CRPPA: variants seen among roughly 807,000 people sequenced by gnomAD.
CRPPA encodes the protein D-ribitol-5-phosphate cytidylyltransferase.
In CRPPA, 43 loss-of-function variants were observed where a neutral mutation model predicts 52.0. The observed-to-expected ratio is 0.83, with a 90% confidence interval of 0.65 to 1.07. The LOEUF is 1.07. Ranked by LOEUF, CRPPA falls within the 50% of genes least tolerant of loss-of-function variation. The probability of loss-of-function intolerance (pLI) is 0.00; values close to 1 mark genes in which losing one functional copy is unlikely to be tolerated. For missense variants in CRPPA, 629 were observed against 551.7 expected (o/e 1.14, Z -1.40); for synonymous variants, 250 against 203.5 (o/e 1.23, Z -1.94).
intron 9 of CRPPA, among the ~76,000 whole-genome samples, chr7:16,092,205 G>A (rs1291222944): frequency 6.6e-6 from 1 of 151,966 alleles, no homozygotes; most frequent in Admixed American, 6.5e-5. Context: ...ACCGGTATAG[G>A]GGGGAAAACC....
At chr7:16,166,232 A>G (rs1781061746) in intron 9 of CRPPA, among the ~76,000 whole-genome samples, 1 of 152,148 alleles carries the variant, frequency 6.6e-6, no homozygotes, top group Non-Finnish European at 1.5e-5. Context: ...TTGTGACAGC[A>G]TTAGGATTAG....
At chr7:16,117,337 G>A (rs1184987421) in intron 9 of CRPPA, among the ~76,000 whole-genome samples, 3 of 152,164 alleles carry the variant, frequency 2.0e-5, no homozygotes, top group African/African-American at 7.2e-5. Flanking sequence ...ACTCTGAACT[G>A]AGCACGTAGT....
intron 4 of CRPPA, among the ~76,000 whole-genome samples, chr7:16,302,007 T>G (rs1234027336): frequency 6.6e-6 from 1 of 152,194 alleles, no homozygotes; most frequent in Non-Finnish European, 1.5e-5. Flanking sequence ...GGTACCACTA[T>G]GTGTCTAAGA....
rs1786437485 is a variant in CRPPA at position 16,361,359 on chromosome 7, GCATATA to G, written c.684+14727_684+14732del. 3.3e-5 allele frequency among the ~76,000 whole-genome samples: 5 copies of G among 152,172 alleles called. No individual in the cohort carries two copies. In the South Asian group the frequency reaches 1.0e-3, roughly 32 times the overall value. Reference sequence around the variant, plus strand: ...TACTTTCCAGTATTTCCACTTCTAGGCATATACTTAAAAGAACTGAAAGCCGAGACT... The same window carrying G: ...TACTTTCCAGTATTTCCACTTCTAGGCTTAAAAGAACTGAAAGCCGAGACT... On this transcript the variant is annotated intron_variant, in intron 3 of 9. Coordinates refer to ENST00000407010, the MANE Select transcript of CRPPA (RefSeq NM_001101426.4).
intron 2 of CRPPA, among the ~76,000 whole-genome samples, chr7:16,385,890 C>A (rs572681913): frequency 3.3e-5 from 5 of 152,228 alleles, no homozygotes; most frequent in Admixed American, 2.0e-4. Flanking sequence ...GTAGCCAGAG[C>A]GAGCGCTTTT....
chr7:16,154,605 CTG>C (rs1783138500), intron 9 of CRPPA, among the ~76,000 whole-genome samples: 1 of 152,134 alleles, frequency 6.6e-6, no homozygotes, highest in African/African-American at 2.4e-5. Flanking sequence ...AAAGTCATCA[CTG>C]TTAAATTTAT....
intron 9 of CRPPA, among the ~76,000 whole-genome samples, chr7:16,113,563 G>A (rs1346335588): frequency 2.0e-5 from 3 of 151,910 alleles, no homozygotes; most frequent in Non-Finnish European, 4.4e-5. Context: ...CAACTAGAAG[G>A]AATACATCAA....
At chr7:16,254,960 G>A (rs576586448) in intron 8 of CRPPA, among the ~76,000 whole-genome samples, 4 of 152,234 alleles carry the variant, frequency 2.6e-5, no homozygotes, top group East Asian at 1.9e-4. Flanking sequence ...GCAAGAGAAA[G>A]AAATAAAGGG....
chr7:16,140,388 C>G (rs1258283409), intron 9 of CRPPA, among the ~76,000 whole-genome samples: 2 of 151,952 alleles, frequency 1.3e-5, no homozygotes, highest in African/African-American at 4.8e-5. Context: ...TGGTCTCAAA[C>G]TCCTAAGCTC....
chr7:16,342,763 CAAAA>C lies in CRPPA; in HGVS notation c.684+33325_684+33328del, dbSNP rs368521163. Reference sequence around the variant, plus strand: ...GGCAACAGGATGAACCCTGTCTCCACAAAAAAAAAAAAAAAAAAAATATATATAT... The same window carrying C: ...GGCAACAGGATGAACCCTGTCTCCACAAAAAAAAAAAAAAAATATATATAT... On this transcript the variant is annotated intron_variant, in intron 3 of 9. Coordinates refer to ENST00000407010, the MANE Select transcript of CRPPA (RefSeq NM_001101426.4). Among the ~76,000 whole-genome samples the C allele has an allele frequency of 2.1e-3, 134 of 64,858 alleles. 1 individual carries two copies. Among genetic ancestry groups the C allele is most frequent in the Middle Eastern group, 8.1e-3 (1 of 124 alleles). The allele number at this position is 64,858 out of a possible 152,430, so 42.5% of individuals were successfully genotyped here.
At chr7:16,249,387 C>T (rs1489046580) in intron 8 of CRPPA, among the ~76,000 whole-genome samples, 1 of 152,154 alleles carries the variant, frequency 6.6e-6, no homozygotes, top group Non-Finnish European at 1.5e-5. Context: ...AATAATGGAC[C>T]GACTGCCTGC....
rs558061230 is a variant in CRPPA at position 16,262,822 on chromosome 7, G to T, written c.934-3810C>A. ...CAAGGTCTGGGAGATCCACGGGCAG[G>T]GTTTAGAAGACATCAGCCAGATTAT... is the stretch of plus-strand genomic sequence containing the variant. On this transcript the variant is annotated intron_variant, in intron 6 of 9. Coordinates refer to ENST00000407010, the MANE Select transcript of CRPPA (RefSeq NM_001101426.4). Among the ~76,000 whole-genome samples, 31 of 152,204 alleles carry T rather than the reference G, an allele frequency of 2.0e-4. 1 individual carries two copies. The South Asian group carries it at 5.4e-3, about 26-fold the overall frequency.
rs550732769 is a variant in CRPPA, at chr7:16,153,328, T to A, written c.1252-61529A>T. Among the ~76,000 whole-genome samples, 5 of 152,224 alleles carry A rather than the reference T, an allele frequency of 3.3e-5. No individual in the cohort carries two copies. In the East Asian group the frequency reaches 9.6e-4, roughly 29 times the overall value. On this transcript the variant is annotated intron_variant, in intron 9 of 9. Transcript: ENST00000407010. ...GTGAGCAAAGTCTTTCCCTGTGGCT[T>A]ATTTCTATTCAGCTCATGAGCTAAT...
At chr7:16,315,021 A>T (rs1785115102) in intron 3 of CRPPA, among the ~76,000 whole-genome samples, 1 of 152,004 alleles carries the variant, frequency 6.6e-6, no homozygotes, top group African/African-American at 2.4e-5. Context: ...TATGTGTTTT[A>T]CAGTTGCCCA....
At position 16,167,516 on chromosome 7, in the gene CRPPA, G is replaced by A. The variant is rs550317124; in HGVS notation, c.1251+48550C>T. Among the ~76,000 whole-genome samples, 529 of 152,142 alleles carry A rather than the reference G, an allele frequency of 3.5e-3. 6 individuals carry two copies. Among genetic ancestry groups the A allele is most frequent in the African/African-American group, 0.012 (513 of 41,498 alleles). The stretch of plus-strand genomic sequence containing the variant: ...TATCCAGTCTGGAATAAAGGCCTTG[G>A]GTCCAAATTGCCAGGTCCATTTCTT... On this transcript the variant is annotated intron_variant, in intron 9 of 9. Transcript: ENST00000407010.
chr7:16,165,513 G>T (rs931591198), intron 9 of CRPPA, among the ~76,000 whole-genome samples: 8 of 152,116 alleles, frequency 5.3e-5, no homozygotes, highest in Non-Finnish European at 4.4e-5. Context: ...CTTGTCATTG[G>T]AAAATAATAT....
intron 9 of CRPPA, among the ~76,000 whole-genome samples, chr7:16,130,638 C>A (rs1782663668): frequency 6.6e-6 from 1 of 152,154 alleles, no homozygotes; most frequent in East Asian, 1.9e-4. Flanking sequence ...CTTTTGTACA[C>A]TAAGTAGTAC....
chr7:16,345,039 C>T (rs2107587), intron 3 of CRPPA, among the ~76,000 whole-genome samples: 88,406 of 151,770 alleles, frequency 0.58, 26,468 homozygotes, highest in South Asian at 0.76. Context: ...CAATCAGGTC[C>T]GCATATAAAT....
intron 8 of CRPPA, 152 bp from the exon 9 acceptor site, chr7:16,216,349 A>T (rs1782309429): frequency 1.9e-6 from 1 of 519,366 alleles, no homozygotes; most frequent in South Asian, 3.0e-5. Flanking sequence ...TTCAAGCCAT[A>T]CTTAAGATCG....
Sources: gnomAD v4.1 joint callset for allele counts (sites outside exome capture counted in the v4.1 genomes callset) on GRCh38, gnomAD v4.1.1 for gene constraint, MANE v1.5 for transcripts, NCBI Gene and HGNC (gene_info 2026-07-23, HGNC 2026-07-21) for gene names.